ASZ1: variants seen among roughly 807,000 people sequenced by gnomAD.
ASZ1 encodes ankyrin repeat, SAM and basic leucine zipper domain containing 1.
In ASZ1, 67 loss-of-function variants were observed where a neutral mutation model predicts 61.8. The observed-to-expected ratio is 1.08, with a 90% CI of 0.89 to 1.33. The LOEUF (loss-of-function observed/expected upper bound fraction) is 1.33, where lower values mean the gene tolerates loss of function less well. Ranked by LOEUF, ASZ1 falls within the 40% of genes most tolerant of loss-of-function variation. The pLI is 0.00. For synonymous variants in ASZ1, 193 were observed against 192.7 expected, an observed-to-expected ratio of 1.00 and a Z score of -0.01; for missense variants, 577 against 554.5, an observed-to-expected ratio of 1.04 and a Z score of -0.41.
chr7:117,367,242 G>C, intron 12 of ASZ1, 110 bp downstream of exon 12: 1 of 814,038 alleles, frequency 1.2e-6, no homozygotes, highest in Non-Finnish European at 1.7e-6. Context: ...TTTCCCACTT[G>C]TCTAAGTGTT....
At chr7:117,411,840 GGC>G (rs1395144411) in intron 4 of ASZ1, among the ~76,000 whole-genome samples, 2 of 151,632 alleles carry the variant, frequency 1.3e-5, no homozygotes, top group African/African-American at 4.8e-5. Flanking sequence ...TTCAAACCTT[GGC>G]AGTCTGGTTC....
chr7:117,382,993 T>C lies in ASZ1; in HGVS notation c.805A>G (p.Ile269Val). 1 of 1,568,550 alleles carries C rather than the reference T, an allele frequency of 6.4e-7. No individual in the cohort carries two copies. Among genetic ancestry groups the C allele is most frequent in the Non-Finnish European group, 8.6e-7 (1 of 1,161,086 alleles). Reference protein sequence around the residue: ...TTDSDREKDHIFSSYTAFGDL... With the variant: ...TTDSDREKDHVFSSYTAFGDL... ...TAAAACATGCTATATTACCTAAAAA[T>C]GTGATCTTTTTCTCTATCAGAATCT... The change falls in exon 7 of 13, where the codon ATT (isoleucine) becomes GTT (valine). Residue 269 changes from isoleucine to valine, a missense_variant. Coordinates refer to ENST00000284629, the MANE Select transcript of ASZ1 (RefSeq NM_130768.3).
intron 11 of ASZ1, chr7:117,368,031 G>T: frequency 2.8e-6 from 1 of 361,926 alleles, no homozygotes. Flanking sequence ...ACAGGTGCAT[G>T]CCATCATGCC....
At chr7:117,412,816 TA>T (rs1461586154) in intron 4 of ASZ1, among the ~76,000 whole-genome samples, 1 of 151,342 alleles carries the variant, frequency 6.6e-6, no homozygotes, top group Non-Finnish European at 1.5e-5. Flanking sequence ...TTCAGCAAAC[TA>T]GGGGGAAACG....
At chr7:117,405,692 T>C (rs534916903) in intron 4 of ASZ1, among the ~76,000 whole-genome samples, 199 of 152,302 alleles carry the variant, frequency 1.3e-3, no homozygotes, top group African/African-American at 4.7e-3. Flanking sequence ...CCTAGCTGGA[T>C]TGCCAATTGT....
chr7:117,403,949 T>C (rs1057161262), intron 4 of ASZ1, among the ~76,000 whole-genome samples: 2 of 152,202 alleles, frequency 1.3e-5, no homozygotes, highest in Non-Finnish European at 2.9e-5. Context: ...CTATGTTGCA[T>C]GCTCCTGATG....
Position 117,382,154 on chromosome 7 carries a change from T to C in ASZ1, c.813-10A>G, listed in dbSNP as rs1178876014. 1 of 1,501,306 alleles carries C rather than the reference T, an allele frequency of 6.7e-7. No individual in the cohort carries two copies. The highest frequency in any genetic ancestry group is 1.7e-5 in the Admixed American group (1 of 57,738). The allele number at this position is 1,501,306 out of a possible 1,614,324, so 93.0% of individuals were successfully genotyped here. A position where few individuals can be genotyped will look rare whatever the true frequency, so the allele number is the denominator to read the frequency against. ...AAATGCTGTATATGAACTGTATACA[T>C]TTATAGCAATGTCAATTTCAGAACA... On this transcript the variant is annotated splice_polypyrimidine_tract_variant and intron_variant, in intron 7 of 12. Coordinates refer to ENST00000284629, the MANE Select transcript of ASZ1 (RefSeq NM_130768.3).
At chr7:117,371,539 ATCT>A (rs905997315) in intron 10 of ASZ1, among the ~76,000 whole-genome samples, 15 of 152,266 alleles carry the variant, frequency 9.9e-5, no homozygotes, top group Middle Eastern at 3.4e-3. Flanking sequence ...AAAGATGTAA[ATCT>A]TCTTTATTTT....
At chr7:117,423,968 A>G (rs1797150689) in intron 2 of ASZ1, among the ~76,000 whole-genome samples, 1 of 152,136 alleles carries the variant, frequency 6.6e-6, no homozygotes, top group African/African-American at 2.4e-5. Flanking sequence ...AGCACATATT[A>G]TGTTCCAGGC....
Position 117,420,294 on chromosome 7 carries a change from G to A in ASZ1, c.329-20C>T. On this transcript the variant is annotated intron_variant, in intron 3 of 12. Coordinates refer to ENST00000284629, the MANE Select transcript of ASZ1 (RefSeq NM_130768.3). ...GCTTATCTATAGTGAATAGAAAAGT[G>A]AGGAAAAATCCCCATACATCAAGAG... is the stretch of plus-strand genomic sequence containing the variant. 6.4e-6 allele frequency: 10 copies of A among 1,561,948 alleles called. No homozygotes were observed. Among genetic ancestry groups the A allele is most frequent in the Non-Finnish European group, 8.8e-6 (10 of 1,139,630 alleles).
intron 6 of ASZ1, among the ~76,000 whole-genome samples, chr7:117,383,360 A>C (rs773263626): frequency 3.3e-5 from 5 of 152,164 alleles, no homozygotes; most frequent in African/African-American, 4.8e-5. Flanking sequence ...AAATCAGGGT[A>C]ATTGGGATAT....
intron 3 of ASZ1, among the ~76,000 whole-genome samples, chr7:117,420,714 G>T (rs543576203): frequency 1.3e-5 from 2 of 152,306 alleles, no homozygotes; most frequent in East Asian, 3.9e-4. Flanking sequence ...TGCTATGACT[G>T]CCACATCCAT....
intron 2 of ASZ1, among the ~76,000 whole-genome samples, chr7:117,425,337 C>T (rs1274913839): frequency 1.5e-5 from 2 of 131,396 alleles, no homozygotes; most frequent in South Asian, 2.6e-4. Flanking sequence ...GCGATCTCGG[C>T]TCACTGCAAG....
chr7:117,409,117 T>C (rs1005662207), intron 4 of ASZ1, among the ~76,000 whole-genome samples: 2 of 151,928 alleles, frequency 1.3e-5, no homozygotes, highest in South Asian at 4.2e-4. Flanking sequence ...TACAAGACTG[T>C]AGTTGCTTCT....
At chr7:117,398,315 C>T (rs1302813010) in intron 4 of ASZ1, among the ~76,000 whole-genome samples, 1 of 152,206 alleles carries the variant, frequency 6.6e-6, no homozygotes, top group Non-Finnish European at 1.5e-5. Context: ...TATAAATACA[C>T]ATCTACCTTT....
At chr7:117,392,068 C>G in intron 4 of ASZ1, among the ~76,000 whole-genome samples, 1 of 152,134 alleles carries the variant, frequency 6.6e-6, no homozygotes, top group East Asian at 1.9e-4. Context: ...GCTGGGGTTA[C>G]AGGTGTGAGC....
At chr7:117,379,337 G>C (rs1268812475) in intron 10 of ASZ1, among the ~76,000 whole-genome samples, 1 of 151,002 alleles carries the variant, frequency 6.6e-6, no homozygotes, top group Non-Finnish European at 1.5e-5. Context: ...ACTTCCCTGT[G>C]TATCTTTGAA....
At chr7:117,409,263 G>T (rs1391751656) in intron 4 of ASZ1, among the ~76,000 whole-genome samples, 1 of 151,948 alleles carries the variant, frequency 6.6e-6, no homozygotes, top group African/African-American at 2.4e-5. Flanking sequence ...TTCAAAGACT[G>T]TGTGAACCAC....
intron 2 of ASZ1, among the ~76,000 whole-genome samples, chr7:117,425,266 T>TTC (rs1385460561): frequency 0.018 from 2,391 of 136,122 alleles, 39 homozygotes; most frequent in Non-Finnish European, 0.026. Flanking sequence ...TTTCTTTTTT[T>TTC]TTTTTTTTTT....
Sources: gnomAD v4.1 joint callset for allele counts (sites outside exome capture counted in the v4.1 genomes callset) on GRCh38, gnomAD v4.1.1 for gene constraint, MANE v1.5 for transcripts, NCBI Gene and HGNC (gene_info 2026-07-23, HGNC 2026-07-21) for gene names.